The following NECAB2 variants were observed in gnomAD, a reference collection of about 807,000 sequenced individuals.
NECAB2 encodes the protein N-terminal EF-hand calcium-binding protein 2.
NECAB2 carries 68 observed loss-of-function variants against 51.9 expected under a neutral mutation model. That is an observed-to-expected ratio of 1.31 (90% CI 1.08 to 1.60). The LOEUF (loss-of-function observed/expected upper bound fraction) is 1.60, where lower values mean the gene tolerates loss of function less well. Among genes scored for constraint, NECAB2 ranks in the 40% most tolerant of loss-of-function variants. The pLI is 0.00. For synonymous variants in NECAB2, 329 were observed against 203.5 expected (o/e 1.62, Z -5.25); for missense variants, 854 against 490.3 (o/e 1.74, Z -7.00).
Position 83,998,191 on chromosome 16 carries a change from G to A in NECAB2, c.850-14G>A, listed in dbSNP as rs1317580474. 4 of 1,605,412 alleles carry A rather than the reference G, an allele frequency of 2.5e-6. No homozygotes were observed. The highest frequency in any genetic ancestry group is 1.3e-5 in the African/African-American group (1 of 74,928). On this transcript the variant is annotated splice_polypyrimidine_tract_variant and intron_variant, in intron 9 of 12. Coordinates refer to ENST00000305202, the MANE Select transcript of NECAB2 (RefSeq NM_019065.3). ...GACGTGGAGCCCCACACTGACTCCT[G>A]CTGTGCCCGGCAGCACCTGCAGCTG...
upstream of NECAB2, chr16:83,965,835 G>T (rs201090360): frequency 2.5e-5 from 41 of 1,613,042 alleles, no homozygotes; most frequent in Non-Finnish European, 3.0e-5. Flanking sequence ...CAGCCGCTGA[G>T]CGCCAAGAGG....
In NECAB2 at chr16:84,001,825, G is replaced by T. The variant is rs61745010; in HGVS notation, c.1041G>T (p.Arg347Ser). The change falls in exon 12 of 13, where the codon AGG becomes AGT. Residue 347 changes from arginine (R) to serine (S), a missense_variant and splice_region_variant. Arg to Ser is a moderately radical substitution (Grantham distance 110). Transcript: ENST00000305202. ...EFWETEEAWKRHLQSPLCKAF... is the reference protein window; with the variant it reads ...EFWETEEAWKSHLQSPLCKAF... ...ACTCACACATGTCCCTGCGTCACAG[G>T]CACCTGCAGAGCCCCCTGTGTAAGG... 17 of 1,614,002 alleles carry T rather than the reference G, an allele frequency of 1.1e-5. No individual in the cohort carries two copies. The highest frequency in any genetic ancestry group is 2.7e-5 in the African/African-American group (2 of 75,040).
rs759256656 is a variant in NECAB2 at position 83,997,081 on chromosome 16, G to A, written c.796-135G>A. The A allele has an allele frequency of 2.6e-4, 231 of 890,872 alleles. 2 individuals carry two copies. The highest frequency in any genetic ancestry group is 4.1e-4 in the Admixed American group (17 of 41,792). 55.2% of individuals were successfully genotyped at this position (890,872 alleles called of 1,614,324 possible). A position where few individuals can be genotyped will look rare whatever the true frequency, so the allele number is the denominator to read the frequency against. On this transcript the variant is annotated intron_variant, in intron 8 of 12. Transcript: ENST00000305202. The stretch of plus-strand genomic sequence containing the variant: ...GAGGGAGTCTCTGCCACTTCCTAGC[G>A]TTGGTCTCCCAGCCCTGTGCAACAG...
At chr16:83,970,268 C>T (rs563402446) in intron 1 of NECAB2, among the ~76,000 whole-genome samples, 2 of 152,250 alleles carry the variant, frequency 1.3e-5, no homozygotes, top group Middle Eastern at 3.4e-3. Flanking sequence ...GGTGTCAGCC[C>T]TGCCATGTCA....
At chr16:83,996,305 C>T (rs540502786) in intron 8 of NECAB2, among the ~76,000 whole-genome samples, 4 of 152,344 alleles carry the variant, frequency 2.6e-5, no homozygotes, top group South Asian at 4.1e-4. Flanking sequence ...AAGGCGTGTT[C>T]ATGCTGTGTG....
chr16:84,002,368 A>AG lies in NECAB2; in HGVS notation c.*24dup, dbSNP rs748833540. On this transcript the variant is annotated 3_prime_UTR_variant, in exon 13 of 13. Coordinates refer to ENST00000305202, the MANE Select transcript of NECAB2 (RefSeq NM_019065.3). ...CTGACAGCCTCCCAGAGGCCCGTGG[A>AG]GGAGCCCACCAGCCCCTTCTTCTTG... 8 of 1,612,888 alleles carry AG rather than the reference A, an allele frequency of 5.0e-6. No individual in the cohort carries two copies. The highest frequency in any genetic ancestry group is 5.9e-6 in the Non-Finnish European group (7 of 1,179,308).
At chr16:83,977,480 G>A (rs981932548) in intron 2 of NECAB2, among the ~76,000 whole-genome samples, 7 of 152,106 alleles carry the variant, frequency 4.6e-5, no homozygotes, top group South Asian at 2.1e-4. Flanking sequence ...GACCTTCCTG[G>A]TAGGGCCAAA....
intron 1 of NECAB2, chr16:83,971,865 C>A: frequency 1.7e-6 from 1 of 575,264 alleles, no homozygotes. Flanking sequence ...CCTACACCTG[C>A]AGGGATGGCC....
intron 5 of NECAB2, among the ~76,000 whole-genome samples, chr16:83,982,699 C>T (rs1056107999): frequency 2.6e-5 from 4 of 152,154 alleles, no homozygotes; most frequent in African/African-American, 7.2e-5. Context: ...AGAGAGTTCT[C>T]CATCAGTGTC....
chr16:84,001,955 C>A, intron 12 of NECAB2, 39 bp downstream of exon 12: 1 of 1,598,144 alleles, frequency 6.3e-7, no homozygotes, highest in Non-Finnish European at 8.6e-7. Context: ...GGCCACCTGA[C>A]TGGAGAGAAG....
intron 5 of NECAB2, among the ~76,000 whole-genome samples, chr16:83,983,906 G>A (rs540273366): frequency 1.3e-5 from 2 of 152,016 alleles, no homozygotes; most frequent in African/African-American, 4.8e-5. Flanking sequence ...AACAGGGGAG[G>A]GGATGATTTT....
At chr16:83,965,863 C>A, upstream of NECAB2, 1 of 1,612,966 alleles carries the variant, frequency 6.2e-7, no homozygotes, top group South Asian at 1.1e-5. Context: ...TTGACGTGGA[C>A]CCCTTCACCT....
chr16:83,997,962 C>A (rs936865120), intron 9 of NECAB2, among the ~76,000 whole-genome samples: 4 of 152,124 alleles, frequency 2.6e-5, no homozygotes, highest in Non-Finnish European at 5.9e-5. Context: ...ATGGATGGGG[C>A]CTCTGTAAAC....
intron 10 of NECAB2, among the ~76,000 whole-genome samples, chr16:84,000,475 CCT>C (rs2084807586): frequency 6.6e-6 from 1 of 152,104 alleles, no homozygotes; most frequent in Admixed American, 6.6e-5. Flanking sequence ...AGAGTGAGAC[CCT>C]ATCTCAAAAG....
upstream of NECAB2, chr16:83,965,952 G>T (rs922055576): frequency 1.2e-6 from 2 of 1,610,326 alleles, no homozygotes; most frequent in Non-Finnish European, 1.7e-6. Context: ...GTGCAGGGGG[G>T]CGCCTTGGCT....
intron 6 of NECAB2, among the ~76,000 whole-genome samples, chr16:83,991,745 C>G (rs1249599391): frequency 1.3e-5 from 2 of 151,622 alleles, no homozygotes; most frequent in Non-Finnish European, 2.9e-5. Flanking sequence ...AACTCAGGTT[C>G]AAGCAATTCT....
intron 11 of NECAB2, 117 bp downstream of exon 11, chr16:84,000,918 C>T (rs2084818406): frequency 3.0e-6 from 3 of 991,244 alleles, no homozygotes; most frequent in East Asian, 2.5e-5. Flanking sequence ...CAGCAGATTC[C>T]CGAGGCATCT....
At chr16:83,978,670 A>C (rs1333632096) in intron 3 of NECAB2, 118 bp downstream of exon 3, 10 of 847,182 alleles carry the variant, frequency 1.2e-5, no homozygotes, top group East Asian at 5.0e-5. Context: ...AAAATCCCCA[A>C]ATTTGCTAAT....
chr16:83,984,074 C>T (rs1225372534), intron 5 of NECAB2, among the ~76,000 whole-genome samples: 2 of 150,554 alleles, frequency 1.3e-5, no homozygotes, highest in Non-Finnish European at 1.5e-5. Flanking sequence ...CAGCTCACTG[C>T]CAGCTCCGCC....
Sources: gnomAD v4.1 joint callset for allele counts (sites outside exome capture counted in the v4.1 genomes callset) on GRCh38, gnomAD v4.1.1 for gene constraint, MANE v1.5 for transcripts, NCBI Gene and HGNC (gene_info 2026-07-23, HGNC 2026-07-21) for gene names.